CNOT6L: variants seen among roughly 807,000 people sequenced by gnomAD.
CNOT6L encodes CCR4-NOT transcription complex subunit 6-like.
CNOT6L carries 7 observed loss-of-function variants against 64.0 expected under a neutral mutation model. The observed-to-expected ratio is 0.11, with a 90% CI of 0.06 to 0.21. The LOEUF (loss-of-function observed/expected upper bound fraction) is 0.21, where lower values mean the gene tolerates loss of function less well. Ranked by LOEUF, CNOT6L falls within the 10% of genes least tolerant of loss-of-function variation. CNOT6L has a pLI of 1.00. For synonymous variants in CNOT6L, 193 were observed against 243.4 expected (o/e 0.79, Z 1.93); for missense variants, 245 against 669.0 (o/e 0.37, Z 6.99).
At chr4:77,727,210 T>C (rs1721954891) in intron 10 of CNOT6L, among the ~76,000 whole-genome samples, 2 of 152,170 alleles carry the variant, frequency 1.3e-5, no homozygotes, top group Admixed American at 6.5e-5. Flanking sequence ...AAGTGCTTTA[T>C]TCATGTAAAT....
intron 7 of CNOT6L, among the ~76,000 whole-genome samples, chr4:77,743,433 A>G (rs1258320242): frequency 2.0e-5 from 3 of 152,098 alleles, no homozygotes; most frequent in Non-Finnish European, 4.4e-5. Flanking sequence ...CTCAGTATTT[A>G]GAAGAAATTT....
chr4:77,734,027 T>C (rs1440023560), intron 8 of CNOT6L, among the ~76,000 whole-genome samples: 1 of 152,184 alleles, frequency 6.6e-6, no homozygotes, highest in Non-Finnish European at 1.5e-5. Context: ...AAAGGTGCAG[T>C]ACCTATAACT....
chr4:77,802,923 G>C (rs1327810177), intron 1 of CNOT6L, among the ~76,000 whole-genome samples: 2 of 152,038 alleles, frequency 1.3e-5, no homozygotes, highest in Non-Finnish European at 2.9e-5. Context: ...TTATAATCTT[G>C]GGGTGCAGAA....
chr4:77,816,218 T>C (rs1012952431), intron 1 of CNOT6L, among the ~76,000 whole-genome samples: 2 of 152,110 alleles, frequency 1.3e-5, no homozygotes, highest in African/African-American at 4.8e-5. Context: ...ATATCATCTG[T>C]TTTCATGATT....
At chr4:77,770,247 T>C (rs1377659923) in intron 4 of CNOT6L, among the ~76,000 whole-genome samples, 1 of 152,124 alleles carries the variant, frequency 6.6e-6, no homozygotes, top group Non-Finnish European at 1.5e-5. Flanking sequence ...AGGAAAAGGA[T>C]ATAGAGAAAA....
At chr4:77,815,942 C>A (rs1733522491) in intron 1 of CNOT6L, among the ~76,000 whole-genome samples, 1 of 152,212 alleles carries the variant, frequency 6.6e-6, no homozygotes, top group South Asian at 2.1e-4. Flanking sequence ...AGCAAGTAAA[C>A]TTCTTTGAAA....
chr4:77,794,339 A>G (rs139516241), intron 1 of CNOT6L, among the ~76,000 whole-genome samples: 1 of 152,070 alleles, frequency 6.6e-6, no homozygotes, highest in East Asian at 1.9e-4. Context: ...GTGCAAGAAA[A>G]CTATGGACTT....
intron 4 of CNOT6L, among the ~76,000 whole-genome samples, chr4:77,768,479 ATAT>A (rs1560412366): frequency 0.029 from 108 of 3,762 alleles, 2 homozygotes; most frequent in Middle Eastern, 0.29. Flanking sequence ...AAATAAATAT[ATAT>A]ATATATATAT....
intron 1 of CNOT6L, among the ~76,000 whole-genome samples, chr4:77,797,603 G>T (rs1477634958): frequency 1.3e-5 from 2 of 152,104 alleles, no homozygotes; most frequent in African/African-American, 4.8e-5. Flanking sequence ...GGAAATTCAG[G>T]TATGCCAAAA....
At chr4:77,750,713 A>G (rs920185587) in intron 5 of CNOT6L, among the ~76,000 whole-genome samples, 2 of 152,194 alleles carry the variant, frequency 1.3e-5, no homozygotes, top group African/African-American at 4.8e-5. Flanking sequence ...ATGATATGAC[A>G]AAACAAAGAA....
At chr4:77,801,396 G>A (rs1000922619) in intron 1 of CNOT6L, among the ~76,000 whole-genome samples, 1 of 152,212 alleles carries the variant, frequency 6.6e-6, no homozygotes, top group African/African-American at 2.4e-5. Flanking sequence ...AGGTCACAGA[G>A]GAGCTAATTT....
chr4:77,798,851 G>A, intron 1 of CNOT6L, among the ~76,000 whole-genome samples: 1 of 151,026 alleles, frequency 6.6e-6, no homozygotes, highest in Non-Finnish European at 1.5e-5. Context: ...GCATGGTGGT[G>A]TGCACCTGTG....
intron 1 of CNOT6L, among the ~76,000 whole-genome samples, chr4:77,801,554 A>C (rs1731552330): frequency 6.6e-6 from 1 of 152,154 alleles, no homozygotes; most frequent in Non-Finnish European, 1.5e-5. Flanking sequence ...GAGTCAAGGA[A>C]TACAGTTTGA....
In CNOT6L at chr4:77,715,799, G is replaced by T. The variant is rs572798797; in HGVS notation, c.*4632C>A. On this transcript the variant is annotated 3_prime_UTR_variant, in exon 12 of 12. Coordinates refer to ENST00000504123, the MANE Select transcript of CNOT6L (RefSeq NM_144571.3). ...GCTTTTAGGTGACACTTATAAAGGT[G>T]AGCATATCATTCTATAAAATGAAAG... 2 of 152,588 alleles carry T rather than the reference G, an allele frequency of 1.3e-5. No homozygotes were observed. Among genetic ancestry groups the T allele is most frequent in the South Asian group, 2.1e-4 (1 of 4,824 alleles). 9.5% of individuals were successfully genotyped at this position (152,588 alleles called of 1,614,324 possible).
intron 8 of CNOT6L, among the ~76,000 whole-genome samples, chr4:77,734,360 C>T (rs1006316027): frequency 6.6e-6 from 1 of 152,124 alleles, no homozygotes; most frequent in Admixed American, 6.5e-5. Context: ...CACATACACA[C>T]ACATATTTTT....
In CNOT6L at chr4:77,756,887, C is replaced by T. The variant is rs747295245; in HGVS notation, c.465G>A (p.Leu155=). Residue 155 remains leucine, a synonymous_variant, in exon 5 of 12, where the codon CTG becomes CTA. Transcript: ENST00000504123. ...CTGCGAGATTGTCAAGCATGAAGTTCAGTAGCTTTCGGGTTCCATCTGGGT... is the reference window on the plus strand; with the variant it reads ...CTGCGAGATTGTCAAGCATGAAGTTTAGTAGCTTTCGGGTTCCATCTGGGT... ...YQDPDGTRKL[L]NFMLDNLAVH... The T allele has an allele frequency of 6.8e-6, 11 of 1,609,346 alleles. 1 individual carries two copies. In the Admixed American group the frequency reaches 1.2e-4, roughly 17 times the overall value.
rs532545717 is a variant in CNOT6L at position 77,792,228 on chromosome 4, T to C, written c.6-15836A>G. ...AAGTGCAATGACATATAAAAAAGTA[T>C]AGATTTGGGTGCTGTTAACCACCGA... On this transcript the variant is annotated intron_variant, in intron 1 of 11. Coordinates refer to ENST00000504123, the MANE Select transcript of CNOT6L (RefSeq NM_144571.3). Among the ~76,000 whole-genome samples the C allele has an allele frequency of 3.3e-5, 5 of 152,228 alleles. No individual in the cohort carries two copies. The East Asian group carries it at 5.8e-4, about 18-fold the overall frequency.
chr4:77,812,028 A>T (rs529077181), intron 1 of CNOT6L, among the ~76,000 whole-genome samples: 1 of 152,332 alleles, frequency 6.6e-6, no homozygotes, highest in Admixed American at 6.5e-5. Context: ...GGTTCTATCC[A>T]GGGCAATTAA....
intron 1 of CNOT6L, among the ~76,000 whole-genome samples, chr4:77,804,357 A>T (rs937077898): frequency 8.6e-5 from 13 of 150,424 alleles, no homozygotes; most frequent in South Asian, 2.1e-4. Context: ...TGAACCTGGG[A>T]GGCGGAGGCT....
Sources: allele counts gnomAD v4.1 joint callset (sites outside exome capture counted in the v4.1 genomes callset), GRCh38; gene constraint gnomAD v4.1.1; transcripts MANE v1.5; gene names NCBI Gene and HGNC (gene_info 2026-07-23, HGNC 2026-07-21).